The following ESRRG variants were observed in gnomAD, a reference collection of about 807,000 sequenced individuals.
ESRRG encodes the protein estrogen related receptor gamma, also known as estrogen-related receptor gamma.
Under a neutral mutation model 44.0 loss-of-function variants are expected in ESRRG, and 13 were observed. The observed-to-expected ratio is 0.30, with a 90% confidence interval of 0.19 to 0.47. ESRRG has a LOEUF of 0.47. Ranked by LOEUF, ESRRG falls within the 20% of genes least tolerant of loss-of-function variation. ESRRG has a pLI of 1.00. For missense variants in ESRRG, 395 were observed against 580.6 expected (o/e 0.68, Z 3.29); for synonymous variants, 215 against 214.6 (o/e 1.00, Z -0.02).
intron 1 of ESRRG, among the ~76,000 whole-genome samples, chr1:217,049,913 T>C (rs994404398): frequency 6.6e-6 from 1 of 152,140 alleles, no homozygotes; most frequent in Non-Finnish European, 1.5e-5. Context: ...GAAGACTGGA[T>C]GGAAAGGGCT....
chr1:216,915,182 A>G (rs1004108907), intron 2 of ESRRG, among the ~76,000 whole-genome samples: 1 of 152,156 alleles, frequency 6.6e-6, no homozygotes, highest in African/African-American at 2.4e-5. Context: ...TGCAGCACAC[A>G]TTCTGTGGTT....
chr1:216,543,101 G>T (rs546144468), intron 5 of ESRRG, among the ~76,000 whole-genome samples: 18 of 151,970 alleles, frequency 1.2e-4, no homozygotes, highest in Non-Finnish European at 2.5e-4. Context: ...AATAAAACTG[G>T]AAATTGATTA....
intron 1 of ESRRG, among the ~76,000 whole-genome samples, chr1:216,983,589 T>A (rs1560360229): frequency 6.6e-6 from 1 of 151,700 alleles, no homozygotes; most frequent in East Asian, 1.9e-4. Context: ...AAAGCAGGTA[T>A]CAAAGATCTT....
chr1:217,009,863 A>G (rs897165328), intron 1 of ESRRG, among the ~76,000 whole-genome samples: 2 of 151,576 alleles, frequency 1.3e-5, no homozygotes, highest in African/African-American at 2.4e-5. Context: ...CTGCCACCGT[A>G]TCTGGCTAAT....
chr1:216,814,496 A>T (rs1189916589), intron 2 of ESRRG, among the ~76,000 whole-genome samples: 1 of 152,240 alleles, frequency 6.6e-6, no homozygotes, highest in African/African-American at 2.4e-5. Flanking sequence ...TAATTTGTGA[A>T]TACAGACACA....
rs181512042 is a variant in ESRRG at position 217,069,390 on chromosome 1, A to G, written c.-106+20117T>C. On this transcript the variant is annotated intron_variant, in intron 1 of 7. Coordinates refer to the ESRRG transcript ENST00000359162. ...AAACTACCCTTTGTATATATATAATAAAGTGTATGTATATAGATAGATAGA... is the reference window on the plus strand; with the variant it reads ...AAACTACCCTTTGTATATATATAATGAAGTGTATGTATATAGATAGATAGA... Among the ~76,000 whole-genome samples, 4 of 150,858 alleles carry G rather than the reference A, an allele frequency of 2.7e-5. No homozygotes were observed. The East Asian group carries it at 7.7e-4, about 29-fold the overall frequency.
At chr1:216,584,642 T>C (rs1047512469) in intron 3 of ESRRG, among the ~76,000 whole-genome samples, 2 of 152,206 alleles carry the variant, frequency 1.3e-5, no homozygotes, top group African/African-American at 4.8e-5. Flanking sequence ...ACTCAAATTA[T>C]TCCAGATTTT....
chr1:217,032,076 A>G (rs1049053257), intron 1 of ESRRG, among the ~76,000 whole-genome samples: 1 of 152,242 alleles, frequency 6.6e-6, no homozygotes, highest in Non-Finnish European at 1.5e-5. Flanking sequence ...TGGGCAAACC[A>G]GAATGAGTTG....
intron 1 of ESRRG, chr1:216,939,754 C>T (rs561718854): frequency 2.6e-5 from 4 of 151,708 alleles, no homozygotes; most frequent in Admixed American, 6.6e-5. Flanking sequence ...TTTTCTCGGC[C>T]GCTGCATTTA....
chr1:216,977,344 A>ACACACACACG (rs1411245228), intron 1 of ESRRG, among the ~76,000 whole-genome samples: 1 of 148,974 alleles, frequency 6.7e-6, no homozygotes, highest in Middle Eastern at 3.2e-3. Flanking sequence ...GGATACATAC[A>ACACACACACG]CACACACACA....
intron 2 of ESRRG, among the ~76,000 whole-genome samples, chr1:216,922,724 G>A (rs1282954134): frequency 3.3e-5 from 5 of 152,094 alleles, no homozygotes; most frequent in African/African-American, 9.7e-5. Flanking sequence ...GATAGCCCTG[G>A]GTTTCTAACC....
At chr1:216,734,904 C>CTTTTTTTTTTTTTTTTTTTTTTTTTT (rs11309409) in intron 2 of ESRRG, among the ~76,000 whole-genome samples, 1 of 100,374 alleles carries the variant, frequency 1.0e-5, no homozygotes, top group Non-Finnish European at 1.9e-5. Flanking sequence ...GTTCCATATT[C>CTTTTTTTTTTTTTTTTTTTTTTTTTT]TTTTTTTTTT....
intron 2 of ESRRG, chr1:216,865,187 C>CAAAAAAAAAAAAAAAAAAA (rs548064265): frequency 3.0e-4 from 15 of 49,244 alleles, no homozygotes; most frequent in East Asian, 2.2e-3. Context: ...AGCTGTGCAG[C>CAAAAAAAAAAAAAAAAAAA]AAAAAAAAAA....
At chr1:216,524,642 T>A (rs1474023269) in intron 5 of ESRRG, among the ~76,000 whole-genome samples, 1 of 152,164 alleles carries the variant, frequency 6.6e-6, no homozygotes, top group African/African-American at 2.4e-5. Context: ...GTTTCAACAT[T>A]TGTTGATTCC....
rs184660019 is a variant in ESRRG at position 216,816,298 on chromosome 1, G to A, written c.-14+123284C>T. 1.1e-4 allele frequency among the ~76,000 whole-genome samples: 17 copies of A among 152,186 alleles called. No homozygotes were observed. In the East Asian group the frequency reaches 1.4e-3, roughly 12 times the overall value. ...CATCTCATAATTGTGGACTTAATAG[G>A]AGCTATTAAAAATGATAAGTATGTG... is the stretch of plus-strand genomic sequence containing the variant. On this transcript the variant is annotated intron_variant, in intron 2 of 7. Coordinates refer to the ESRRG transcript ENST00000359162.
At chr1:216,571,437 C>T (rs945925344) in intron 3 of ESRRG, among the ~76,000 whole-genome samples, 1 of 151,984 alleles carries the variant, frequency 6.6e-6, no homozygotes, top group African/African-American at 2.4e-5. Flanking sequence ...GAGTGAAACG[C>T]CATCTCAAAA....
intron 3 of ESRRG, among the ~76,000 whole-genome samples, chr1:216,628,648 C>A (rs1558902942): frequency 2.0e-5 from 3 of 152,168 alleles, no homozygotes; most frequent in Admixed American, 2.0e-4. Flanking sequence ...TCTAGGCATA[C>A]CCTACCCTGA....
chr1:216,909,633 C>A (rs1298988045), intron 2 of ESRRG, among the ~76,000 whole-genome samples: 1 of 152,182 alleles, frequency 6.6e-6, no homozygotes, highest in Non-Finnish European at 1.5e-5. Context: ...GATCTACCCA[C>A]CTCAGCCTCC....
At chr1:216,749,260 T>G (rs574202087) in intron 2 of ESRRG, among the ~76,000 whole-genome samples, 2 of 152,168 alleles carry the variant, frequency 1.3e-5, no homozygotes, top group South Asian at 2.1e-4. Flanking sequence ...CTGACACCAA[T>G]GACCAATGCT....
Sources: gnomAD v4.1 joint callset for allele counts (sites outside exome capture counted in the v4.1 genomes callset) on GRCh38, gnomAD v4.1.1 for gene constraint, MANE v1.5 for transcripts, NCBI Gene and HGNC (gene_info 2026-07-23, HGNC 2026-07-21) for gene names.